The following ATP13A4 variants were observed in gnomAD, a reference collection of about 807,000 sequenced individuals.
The protein encoded by ATP13A4 is ATPase 13A4.
ATP13A4 carries 114 observed loss-of-function variants against 142.5 expected under a neutral mutation model. That is an observed-to-expected ratio of 0.80 (90% CI 0.69 to 0.93). The LOEUF is 0.93. Ranked by LOEUF, ATP13A4 falls within the 40% of genes least tolerant of loss-of-function variation. ATP13A4 has a pLI of 0.00. For missense variants in ATP13A4, 1,392 were observed against 1,454.0 expected (o/e 0.96, Z 0.69); for synonymous variants, 488 against 514.8 (o/e 0.95, Z 0.70).
chr3:193,440,510 G>A (rs1413044310), intron 21 of ATP13A4, 48 bp downstream of exon 21: 1 of 1,612,096 alleles, frequency 6.2e-7, no homozygotes. Context: ...CCCCCTGACT[G>A]TTATGCCTCC....
At chr3:193,426,861 C>T (rs1715693682) in intron 25 of ATP13A4, among the ~76,000 whole-genome samples, 1 of 151,810 alleles carries the variant, frequency 6.6e-6, no homozygotes, top group Non-Finnish European at 1.5e-5. Flanking sequence ...GATCAATGAC[C>T]TAAATGTAAG....
In ATP13A4 at chr3:193,494,920, T is replaced by A. The variant is rs533343851; in HGVS notation, c.382-1760A>T. On this transcript the variant is annotated intron_variant, in intron 3 of 29. Transcript: ENST00000342695. ...AAGTCAGAAATGAAAAAAGAGACAT[T>A]ACGAATGATAACAAAGGAATTGAAA... 2.7e-3 allele frequency among the ~76,000 whole-genome samples: 409 copies of A among 151,862 alleles called. 2 individuals are homozygous for A. Among genetic ancestry groups the A allele is most frequent in the Non-Finnish European group, 4.5e-3 (304 of 67,806 alleles).
upstream of ATP13A4, among the ~76,000 whole-genome samples, chr3:193,557,800 G>A (rs902544582): frequency 2.0e-5 from 3 of 152,234 alleles, no homozygotes; most frequent in African/African-American, 7.2e-5. Context: ...TTTTGAGAAA[G>A]GCCTTGGAAA....
At chr3:193,566,410 A>G (rs1425997614) in intron 2 of ATP13A4, among the ~76,000 whole-genome samples, 1 of 152,076 alleles carries the variant, frequency 6.6e-6, no homozygotes, top group Non-Finnish European at 1.5e-5. Flanking sequence ...TACTCAGTGT[A>G]CCAGTGACCT....
intron 3 of ATP13A4, among the ~76,000 whole-genome samples, chr3:193,499,771 T>C (rs1252097372): frequency 9.9e-5 from 15 of 152,216 alleles, no homozygotes; most frequent in Admixed American, 7.2e-4. Flanking sequence ...GTGAGGCCCC[T>C]GATCAGTTCG....
chr3:193,502,373 A>T (rs1720597808), intron 3 of ATP13A4, 120 bp downstream of exon 3: 17 of 1,260,470 alleles, frequency 1.3e-5, no homozygotes, highest in Non-Finnish European at 1.7e-5. Flanking sequence ...CAAAGTTCAC[A>T]TTTTAAATAT....
At chr3:193,424,425 T>A (rs981854361) in intron 25 of ATP13A4, among the ~76,000 whole-genome samples, 2 of 149,572 alleles carry the variant, frequency 1.3e-5, no homozygotes, top group Non-Finnish European at 3.0e-5. Context: ...TCCTTGATTT[T>A]AAAATATACT....
chr3:193,510,924 T>C (rs1263389520), intron 2 of ATP13A4, among the ~76,000 whole-genome samples: 1 of 152,210 alleles, frequency 6.6e-6, no homozygotes, highest in Admixed American at 6.5e-5. Context: ...TGTAATATAA[T>C]TCAAATAAAA....
intron 1 of ATP13A4, among the ~76,000 whole-genome samples, chr3:193,544,294 C>T (rs768451762): frequency 5.9e-5 from 9 of 152,200 alleles, no homozygotes; most frequent in Non-Finnish European, 1.2e-4. Flanking sequence ...CAGGATTCTA[C>T]ATTAAAATCA....
upstream of ATP13A4, chr3:193,555,144 G>T (rs1305725311): frequency 3.1e-5 from 12 of 386,854 alleles, no homozygotes; most frequent in Admixed American, 4.4e-4. Context: ...GCCAGCCTCA[G>T]ACTTCTGACT....
chr3:193,457,274 A>C, intron 15 of ATP13A4, 105 bp downstream of exon 15: 1 of 1,572,624 alleles, frequency 6.4e-7, no homozygotes, highest in Non-Finnish European at 8.7e-7. Context: ...ACCCATTTTC[A>C]CACCTGAAAT....
chr3:193,507,664 AT>A (rs1720929646), intron 2 of ATP13A4, among the ~76,000 whole-genome samples: 1 of 152,162 alleles, frequency 6.6e-6, no homozygotes, highest in Non-Finnish European at 1.5e-5. Context: ...GGGCTTGCTC[AT>A]TTTTGTAGCT....
At chr3:193,409,702 A>T (rs1444159476) in intron 28 of ATP13A4, among the ~76,000 whole-genome samples, 1 of 152,258 alleles carries the variant, frequency 6.6e-6, no homozygotes, top group Non-Finnish European at 1.5e-5. Flanking sequence ...CAAAAATAAG[A>T]AGACTCATGC....
At chr3:193,409,578 C>A (rs1429688976) in intron 28 of ATP13A4, among the ~76,000 whole-genome samples, 1 of 152,192 alleles carries the variant, frequency 6.6e-6, no homozygotes, top group Non-Finnish European at 1.5e-5. Context: ...GAAGTTTTAA[C>A]TGACTTAGAA....
chr3:193,580,803 G>C (rs1724523382), intron 2 of ATP13A4, among the ~76,000 whole-genome samples: 2 of 152,142 alleles, frequency 1.3e-5, no homozygotes, highest in African/African-American at 4.8e-5. Flanking sequence ...TAAATTGTAA[G>C]AGGCATAGAA....
chr3:193,562,630 G>A (rs1724043715), intron 2 of ATP13A4, among the ~76,000 whole-genome samples: 1 of 152,196 alleles, frequency 6.6e-6, no homozygotes, highest in South Asian at 2.1e-4. Context: ...CCAGCACTTT[G>A]GGAGGTCGAG....
At chr3:193,433,670 T>C (rs780054233) in intron 25 of ATP13A4, among the ~76,000 whole-genome samples, 175 bp downstream of exon 25, 4 of 152,234 alleles carry the variant, frequency 2.6e-5, no homozygotes, top group Non-Finnish European at 5.9e-5. Flanking sequence ...TAATACTTTC[T>C]TGCAATACTT....
intron 1 of ATP13A4, among the ~76,000 whole-genome samples, chr3:193,541,248 CAA>C (rs71179308): frequency 2.0e-3 from 104 of 51,270 alleles, no homozygotes; most frequent in African/African-American, 6.4e-3. Flanking sequence ...GACTCCTTCT[CAA>C]AAAAAAAAAA....
At chr3:193,504,267 C>A (rs151321353) in intron 2 of ATP13A4, among the ~76,000 whole-genome samples, 1,808 of 152,098 alleles carry the variant, frequency 0.012, 15 homozygotes, top group Non-Finnish European at 0.018. Context: ...ACTAAGTCAC[C>A]GATCTGATGA....
Sources: gnomAD v4.1 joint callset for allele counts (sites outside exome capture counted in the v4.1 genomes callset) on GRCh38, gnomAD v4.1.1 for gene constraint, MANE v1.5 for transcripts, NCBI Gene and HGNC (gene_info 2026-07-23, HGNC 2026-07-21) for gene names.